The following SRSF3 variants were observed in gnomAD, a reference collection of about 807,000 sequenced individuals.
SRSF3 encodes serine and arginine rich splicing factor 3.
For synonymous variants in SRSF3, 87 were observed against 73.6 expected (o/e 1.18, Z -0.93); for missense variants, 58 against 217.1 (o/e 0.27, Z 4.61).
intron 2 of SRSF3, 135 bp downstream of exon 2, chr6:36,597,103 T>C: frequency 1.5e-6 from 1 of 658,790 alleles, no homozygotes; most frequent in Non-Finnish European, 2.4e-6. Flanking sequence ...GGATCTTTTT[T>C]TTTTTTTTTT....
chr6:36,595,040 A>G (rs1263894341), intron 1 of SRSF3, among the ~76,000 whole-genome samples: 1 of 152,176 alleles, frequency 6.6e-6, no homozygotes, highest in African/African-American at 2.4e-5. Flanking sequence ...GTGTTTTTAA[A>G]AATTTTCACC....
intron 3 of SRSF3, chr6:36,600,053 A>G: frequency 8.1e-7 from 1 of 1,237,258 alleles, no homozygotes; most frequent in Non-Finnish European, 1.0e-6. Context: ...GACCGCCCAC[A>G]CATTCCTGGC....
chr6:36,602,316 A>AT lies in SRSF3; in HGVS notation c.*330dup. On this transcript the variant is annotated 3_prime_UTR_variant, in exon 6 of 6. Transcript: ENST00000373715. ...CCAGCGGAAGTGTGTTTTTTTTTAA[A>AT]TTTAAATACAGAAACAACTGGCAAA... is the stretch of plus-strand genomic sequence containing the variant. 3.2e-6 allele frequency: 1 copy of AT among 313,396 alleles called. No individual in the cohort carries two copies. The highest frequency in any genetic ancestry group is 2.1e-5 in the African/African-American group (1 of 47,334). 19.4% of individuals were successfully genotyped at this position (313,396 alleles called of 1,614,324 possible). A position where few individuals can be genotyped will look rare whatever the true frequency, so the allele number is the denominator to read the frequency against.
In SRSF3 at chr6:36,605,094, TGTCCACTC is replaced by T. The variant is rs1778788312; in HGVS notation, c.*3106_*3113del. ...TCCAGTAGTGTTGAATTTGATTTTA[TGTCCACTC>T]TAATTTTTTTCATCCTGTTTTATTA... On this transcript the variant is annotated 3_prime_UTR_variant, in exon 6 of 6. Transcript: ENST00000373715. 2 of 152,242 alleles carry T rather than the reference TGTCCACTC, an allele frequency of 1.3e-5. No homozygotes were observed. The highest frequency in any genetic ancestry group is 2.9e-5 in the Non-Finnish European group (2 of 68,044). The allele number at this position is 152,242 out of a possible 1,614,324, so 9.4% of individuals were successfully genotyped here.
At chr6:36,595,459 C>T (rs1020958331) in intron 1 of SRSF3, among the ~76,000 whole-genome samples, 6 of 152,210 alleles carry the variant, frequency 3.9e-5, no homozygotes, top group Non-Finnish European at 1.5e-5. Context: ...TCACCTCCCC[C>T]CGCAGGAGAC....
intron 4 of SRSF3, 109 bp downstream of exon 4, chr6:36,601,299 T>C: frequency 9.7e-7 from 1 of 1,033,122 alleles, no homozygotes; most frequent in Non-Finnish European, 1.4e-6. Flanking sequence ...GCTTTAATAG[T>C]GAATCAAGTT....
intron 3 of SRSF3, 142 bp from the exon 4 acceptor site, chr6:36,601,010 T>TTC (rs1778705935): frequency 1.6e-4 from 48 of 297,070 alleles, no homozygotes; most frequent in Non-Finnish European, 2.3e-4. Context: ...TCTTTTTTTT[T>TTC]TTTTTTTTTT....
At chr6:36,600,423 A>T (rs1778692873) in intron 3 of SRSF3, 1 of 358,530 alleles carries the variant, frequency 2.8e-6, no homozygotes, top group African/African-American at 2.2e-5. Flanking sequence ...TTTAAGGGTG[A>T]TAGGGAACTC....
intron 3 of SRSF3, chr6:36,599,388 A>G (rs572985391): frequency 6.5e-4 from 125 of 191,872 alleles, no homozygotes; most frequent in Non-Finnish European, 1.2e-3. Context: ...AGCTGTTTTA[A>G]TGTTACAACT....
At chr6:36,599,800 TA>T (rs1364793530) in intron 3 of SRSF3, 1 of 1,348,888 alleles carries the variant, frequency 7.4e-7, no homozygotes, top group Admixed American at 1.9e-5. Flanking sequence ...CATCTATTAA[TA>T]AAAATGAACC....
rs536285602 is a variant in SRSF3 at position 36,596,692 on chromosome 6, TTC to T, written c.-2-67_-2-66del. ...CTCTTGTCCTCTCTAATGGAGTTCT[TTC>T]TAAGGATCTGTGGTTTTAACTGTAG... is the stretch of plus-strand genomic sequence containing the variant. On this transcript the variant is annotated intron_variant, in intron 1 of 5. Transcript: ENST00000373715. The T allele has an allele frequency of 5.8e-3, 8,161 of 1,416,326 alleles. 28 individuals carry two copies. Among genetic ancestry groups the T allele is most frequent in the Non-Finnish European group, 6.8e-3 (6,857 of 1,002,606 alleles). 87.7% of individuals were successfully genotyped at this position (1,416,326 alleles called of 1,614,324 possible).
In SRSF3 at chr6:36,604,587, A is replaced by G. The variant is rs907263655; in HGVS notation, c.*2598A>G. On this transcript the variant is annotated 3_prime_UTR_variant, in exon 6 of 6. Coordinates refer to ENST00000373715, the MANE Select transcript of SRSF3 (RefSeq NM_003017.5). ...TGTCTACCATTTGAGTATCTTAGAGATCCTTACAAACGTGATCCCGTCAGC... is the reference window on the plus strand; with the variant it reads ...TGTCTACCATTTGAGTATCTTAGAGGTCCTTACAAACGTGATCCCGTCAGC... 6 of 172,542 alleles carry G rather than the reference A, an allele frequency of 3.5e-5. No individual in the cohort carries two copies. In the East Asian group the frequency reaches 5.2e-4, roughly 15 times the overall value. The allele number at this position is 172,542 out of a possible 1,614,324, so 10.7% of individuals were successfully genotyped here. A position where few individuals can be genotyped will look rare whatever the true frequency, so the allele number is the denominator to read the frequency against.
rs186247552 is a variant in SRSF3, at chr6:36,602,111, G to C, written c.*122G>C. The stretch of plus-strand genomic sequence containing the variant: ...GGTGCATTTTTAAGATGTTTTAGCT[G>C]TTCAAATCTGTTTGTCTCTTGAAAC... On this transcript the variant is annotated 3_prime_UTR_variant, in exon 6 of 6. Transcript: ENST00000373715. 5.4e-6 allele frequency: 8 copies of C among 1,491,520 alleles called. No homozygotes were observed. The highest frequency in any genetic ancestry group is 7.1e-6 in the Non-Finnish European group (8 of 1,120,608). The allele number at this position is 1,491,520 out of a possible 1,614,324, so 92.4% of individuals were successfully genotyped here.
chr6:36,594,960 C>G (rs1362063231), intron 1 of SRSF3, among the ~76,000 whole-genome samples: 2 of 152,204 alleles, frequency 1.3e-5, no homozygotes, highest in African/African-American at 4.8e-5. Context: ...ACCGAAAGAT[C>G]TTCCTTGAAC....
At position 36,597,384 on chromosome 6, in the gene SRSF3, G is replaced by A. The variant is rs183588637; in HGVS notation, c.206+416G>A. On this transcript the variant is annotated intron_variant, in intron 2 of 5. Transcript: ENST00000373715. Reference sequence around the variant, plus strand: ...ACCTCCCAAAGTGCTGGAATTACAGGTGGGAGCCACTGTGCCCAGCCAGGA... The same window carrying A: ...ACCTCCCAAAGTGCTGGAATTACAGATGGGAGCCACTGTGCCCAGCCAGGA... Among the ~76,000 whole-genome samples the A allele has an allele frequency of 4.4e-3, 677 of 152,292 alleles. 6 individuals are homozygous for A. Among genetic ancestry groups the A allele is most frequent in the Middle Eastern group, 0.014 (4 of 294 alleles).
intron 4 of SRSF3, 66 bp downstream of exon 4, chr6:36,601,256 TC>T: frequency 6.5e-7 from 1 of 1,546,846 alleles, no homozygotes; most frequent in South Asian, 1.1e-5. Context: ...CCTAAACTTT[TC>T]CAGGTGGCTT....
rs1006457452 is a variant in SRSF3, at chr6:36,603,081, T to A, written c.*1092T>A. ...ACCTAAGTGATAGTTAACCCATTTT[T>A]TTTTTTTTTAGGCATAGAAGCCAGT... On this transcript the variant is annotated 3_prime_UTR_variant, in exon 6 of 6. Coordinates refer to ENST00000373715, the MANE Select transcript of SRSF3 (RefSeq NM_003017.5). 1 of 221,470 alleles carries A rather than the reference T, an allele frequency of 4.5e-6. No homozygotes were observed. The highest frequency in any genetic ancestry group is 2.2e-5 in the African/African-American group (1 of 44,704). 13.7% of individuals were successfully genotyped at this position (221,470 alleles called of 1,614,324 possible).
In SRSF3 at chr6:36,598,576, G is replaced by A. The variant is rs573356867; in HGVS notation, c.207-273G>A. 1.6e-4 allele frequency: 52 copies of A among 318,832 alleles called. 1 individual carries two copies. The South Asian group carries it at 2.1e-3, about 13-fold the overall frequency. 19.8% of individuals were successfully genotyped at this position (318,832 alleles called of 1,614,324 possible). On this transcript the variant is annotated intron_variant, in intron 2 of 5. Transcript: ENST00000373715. ...TTTTTGTATTTTTAGTAGAGCGAGG[G>A]TTTCACCACGTTGGCCAAGATAGTG...
At chr6:36,597,078 C>G (rs1778641684) in intron 2 of SRSF3, 110 bp downstream of exon 2, 3 of 564,254 alleles carry the variant, frequency 5.3e-6, no homozygotes, top group South Asian at 1.9e-5. Context: ...CCAATTGTAT[C>G]TTTAGATACA....
Sources: gnomAD v4.1 joint callset for allele counts (sites outside exome capture counted in the v4.1 genomes callset) on GRCh38, gnomAD v4.1.1 for gene constraint, MANE v1.5 for transcripts, NCBI Gene and HGNC (gene_info 2026-07-23, HGNC 2026-07-21) for gene names.